UEVLD: variants seen among roughly 807,000 people sequenced by gnomAD.
The protein encoded by UEVLD is ubiquitin-conjugating enzyme E2 variant 3.
Under a neutral mutation model 58.6 loss-of-function variants are expected in UEVLD, and 47 were observed. The ratio of observed to expected loss-of-function variants is 0.80; its 90% CI spans 0.63 to 1.02. UEVLD has a LOEUF of 1.02. Ranked by LOEUF, UEVLD falls within the 50% of genes least tolerant of loss-of-function variation. The pLI, the probability that UEVLD is intolerant of heterozygous loss-of-function variation, is 0.00. For missense variants in UEVLD, 510 were observed against 550.6 expected (o/e 0.93, Z 0.74); for synonymous variants, 197 against 195.3 (o/e 1.01, Z -0.07).
intron 4 of UEVLD, among the ~76,000 whole-genome samples, chr11:18,568,270 T>C (rs916672381): frequency 6.6e-6 from 1 of 152,220 alleles, no homozygotes; most frequent in Admixed American, 6.5e-5. Flanking sequence ...GAGGATTTAT[T>C]AAACAAACAA....
intron 1 of UEVLD, among the ~76,000 whole-genome samples, chr11:18,579,119 G>A (rs984734743): frequency 1.3e-5 from 2 of 151,738 alleles, no homozygotes; most frequent in Admixed American, 6.6e-5. Context: ...TGCCTGCCTC[G>A]GCCTCCCAAA....
intron 7 of UEVLD, among the ~76,000 whole-genome samples, chr11:18,552,377 T>A (rs1445135073): frequency 6.6e-6 from 1 of 151,902 alleles, no homozygotes; most frequent in Admixed American, 6.6e-5. Context: ...TGAAACCCCG[T>A]CTCTACTAAA....
chr11:18,566,433 T>C lies in UEVLD; in HGVS notation c.407A>G (p.Gln136Arg), dbSNP rs774477171. The C allele has an allele frequency of 1.2e-6, 2 of 1,614,140 alleles. No individual in the cohort carries two copies. Among genetic ancestry groups the C allele is most frequent in the Admixed American group, 3.3e-5 (2 of 60,016 alleles). Residue 136 changes from glutamine to arginine, a missense_variant, in exon 5 of 12, where the codon CAA (glutamine) becomes CGA (arginine). Physicochemically the swap from Gln to Arg is conservative, Grantham distance 43 (BLOSUM62 1). Coordinates refer to ENST00000396197, the MANE Select transcript of UEVLD (RefSeq NM_001040697.4). ...GLIKEMIAKF[Q>R]EELPMYSLSS... Reference sequence around the variant, plus strand: ...TAGAGAATACATGGGAAGTTCCTCTTGAAACTTGGCAATCATTTCTTTAAT... The same window carrying C: ...TAGAGAATACATGGGAAGTTCCTCTCGAAACTTGGCAATCATTTCTTTAAT...
intron 2 of UEVLD, 54 bp downstream of exon 2, chr11:18,578,669 CA>C: frequency 2.2e-6 from 3 of 1,384,042 alleles, no homozygotes; most frequent in Non-Finnish European, 3.0e-6. Flanking sequence ...TCTTTAGGAC[CA>C]AAAATTAGTA....
rs563041791 is a variant in UEVLD at position 18,587,997 on chromosome 11, G to A, written c.42+616C>T. On this transcript the variant is annotated intron_variant, in intron 1 of 11. Coordinates refer to ENST00000396197, the MANE Select transcript of UEVLD (RefSeq NM_001040697.4). The stretch of plus-strand genomic sequence containing the variant: ...GCCTTCCAACATTAAGATCTCTCCA[G>A]GGCCTTCAAGCTCTGTCTTCATCTC... Among the ~76,000 whole-genome samples, 123 of 152,166 alleles carry A rather than the reference G, an allele frequency of 8.1e-4. 2 individuals carry two copies. In the South Asian group the frequency reaches 0.024, roughly 30 times the overall value.
intron 7 of UEVLD, among the ~76,000 whole-genome samples, chr11:18,555,883 A>G (rs1851733869): frequency 6.6e-6 from 1 of 152,088 alleles, no homozygotes; most frequent in Admixed American, 6.6e-5. Flanking sequence ...CAGGAGTTTG[A>G]GGTTACAATA....
chr11:18,570,830 C>A, intron 3 of UEVLD: 1 of 151,672 alleles, frequency 6.6e-6, no homozygotes, highest in Middle Eastern at 3.2e-3. Context: ...AGGCCTATTC[C>A]CCCCCATTTC....
At chr11:18,582,043 A>G (rs1853266650) in intron 1 of UEVLD, among the ~76,000 whole-genome samples, 1 of 152,120 alleles carries the variant, frequency 6.6e-6, no homozygotes, top group African/African-American at 2.4e-5. Flanking sequence ...AAACTGAATG[A>G]AGTCACCTCA....
intron 2 of UEVLD, among the ~76,000 whole-genome samples, chr11:18,576,099 T>G (rs149946952): frequency 1.6e-4 from 25 of 152,354 alleles, no homozygotes; most frequent in Admixed American, 3.3e-4. Context: ...CTGTCCTTGT[T>G]CCTTCCTGGG....
At position 18,578,732 on chromosome 11, in the gene UEVLD, T is replaced by A; in HGVS notation, c.119A>T (p.Asp40Val). ...GAGGATATGATTCTTACCATAGGTGTCCATGGAATATTTGAAATGTGGGAA... is the reference window on the plus strand; with the variant it reads ...GAGGATATGATTCTTACCATAGGTGACCATGGAATATTTGAAATGTGGGAA... The part of the protein sequence containing the change: ...VFFPHFKYSM[D>V]TYVFKDSSQK... The change falls in exon 2 of 12, where the codon GAC becomes GTC. Residue 40 changes from aspartate to valine, a missense_variant. Physicochemically the swap from Asp to Val is radical, Grantham distance 152. Coordinates refer to ENST00000396197, the MANE Select transcript of UEVLD (RefSeq NM_001040697.4). The A allele has an allele frequency of 6.2e-7, 1 of 1,602,284 alleles. No homozygotes were observed. Among genetic ancestry groups the A allele is most frequent in the South Asian group, 1.1e-5 (1 of 89,248 alleles).
rs1341239161 is a variant in UEVLD, at chr11:18,579,490, A to G, written c.43-682T>C. 7 of 985,372 alleles carry G rather than the reference A, an allele frequency of 7.1e-6. No homozygotes were observed. The East Asian group carries it at 3.4e-4, about 48-fold the overall frequency. 61.0% of individuals were successfully genotyped at this position (985,372 alleles called of 1,614,324 possible). The stretch of plus-strand genomic sequence containing the variant: ...CCCTCTCACCACTATGCAGGATCCA[A>G]CCGTCTTTTTGGCACGGCTCATTCA... On this transcript the variant is annotated intron_variant, in intron 1 of 11. Transcript: ENST00000396197.
At chr11:18,547,530 A>C (rs1487615224) in intron 7 of UEVLD, among the ~76,000 whole-genome samples, 1 of 152,192 alleles carries the variant, frequency 6.6e-6, no homozygotes, top group Non-Finnish European at 1.5e-5. Flanking sequence ...TCTCAATAAA[A>C]AAGGAAGAGT....
At chr11:18,538,677 C>T (rs1352707689) in intron 9 of UEVLD, among the ~76,000 whole-genome samples, 4 of 151,784 alleles carry the variant, frequency 2.6e-5, no homozygotes, top group Non-Finnish European at 5.9e-5. Flanking sequence ...AAACCTCTCG[C>T]ATGATTCATA....
chr11:18,585,274 C>T (rs748303138), intron 1 of UEVLD, among the ~76,000 whole-genome samples: 1 of 152,076 alleles, frequency 6.6e-6, no homozygotes, highest in Admixed American at 6.6e-5. Flanking sequence ...TATTTTAAAA[C>T]GGTTTGCATA....
chr11:18,535,455 A>G (rs1850752772), intron 10 of UEVLD, among the ~76,000 whole-genome samples: 1 of 152,236 alleles, frequency 6.6e-6, no homozygotes, highest in African/African-American at 2.4e-5. Flanking sequence ...GCAGGATTGT[A>G]TAATCAGATT....
chr11:18,570,427 A>T (rs1399251194), intron 3 of UEVLD, 50 bp from the exon 4 acceptor site: 1 of 1,454,680 alleles, frequency 6.9e-7, no homozygotes, highest in African/African-American at 1.5e-5. Context: ...AAGCACACAC[A>T]TTATGATATA....
intron 3 of UEVLD, among the ~76,000 whole-genome samples, chr11:18,571,649 G>A (rs570733288): frequency 6.6e-5 from 10 of 152,254 alleles, no homozygotes; most frequent in Admixed American, 5.2e-4. Context: ...AGATTTAAAG[G>A]AATTATATCA....
intron 11 of UEVLD, among the ~76,000 whole-genome samples, chr11:18,532,738 T>C (rs1176120969): frequency 1.3e-5 from 2 of 152,144 alleles, no homozygotes; most frequent in Non-Finnish European, 1.5e-5. Flanking sequence ...ACCCACTTTG[T>C]AGAGAAGCAA....
At chr11:18,558,937 C>G (rs1014654412) in intron 6 of UEVLD, among the ~76,000 whole-genome samples, 1 of 151,746 alleles carries the variant, frequency 6.6e-6, no homozygotes, top group African/African-American at 2.4e-5. Context: ...TGCAATGGTA[C>G]AATCTCGGCT....
Sources: gnomAD v4.1 joint callset for allele counts (sites outside exome capture counted in the v4.1 genomes callset) on GRCh38, gnomAD v4.1.1 for gene constraint, MANE v1.5 for transcripts, NCBI Gene and HGNC (gene_info 2026-07-23, HGNC 2026-07-21) for gene names.